TAS2R19: variants seen among roughly 807,000 people sequenced by gnomAD.
TAS2R19 encodes taste receptor type 2 member 19.
For synonymous variants in TAS2R19, 108 were observed against 123.4 expected, an observed-to-expected ratio of 0.87 and a Z score of 0.83; for missense variants, 336 against 342.4, an observed-to-expected ratio of 0.98 and a Z score of 0.15.
chr12:11,022,376 A>G lies in TAS2R19; in HGVS notation c.196T>C (p.Trp66Arg). The G allele has an allele frequency of 6.2e-7, 1 of 1,611,094 alleles. No individual in the cohort carries two copies. The highest frequency in any genetic ancestry group is 1.7e-4 in the Middle Eastern group (1 of 6,056). ...GCAGAATTAAACACAGTTGCATACCAAAGGAATAACATGACCCAGAGTAAA... is the reference window on the plus strand; with the variant it reads ...GCAGAATTAAACACAGTTGCATACCGAAGGAATAACATGACCCAGAGTAAA... ...IGLLWVMLFL[W>R]YATVFNSALY... Residue 66 changes from tryptophan (W) to arginine (R), a missense_variant, in exon 1 of 1, where the codon TGG (tryptophan) becomes CGG (arginine). Trp to Arg is a moderately radical substitution (Grantham distance 101). Transcript: ENST00000390673.
At position 11,022,443 on chromosome 12, in the gene TAS2R19, TGAG is replaced by T. The variant is rs761389078; in HGVS notation, c.126_128del (p.Ser43del). The T allele has an allele frequency of 1.2e-5, 19 of 1,614,024 alleles. No individual in the cohort carries two copies. Among genetic ancestry groups the T allele is most frequent in the Middle Eastern group, 1.6e-4 (1 of 6,084 alleles). Reference sequence around the variant, plus strand: ...CCAGAGCAGTGAGAATTTGCTCAGCTGAGGAGATCTTTCGTGTGTTAACCCAGT... The same window carrying T: ...CCAGAGCAGTGAGAATTTGCTCAGCTGAGATCTTTCGTGTGTTAACCCAGT... On this transcript the variant is annotated inframe_deletion, in exon 1 of 1. Coordinates refer to ENST00000390673, the MANE Select transcript of TAS2R19 (RefSeq NM_176888.2).
Position 11,021,839 on chromosome 12 carries a change from T to G in TAS2R19, c.733A>C (p.Ile245Leu), listed in dbSNP as rs1468493458. Reference sequence around the variant, plus strand: ...CTAAGATTCCAAGTTGATGTGATTATACACAGAAAGTAAATGGCAAATAAC... The same window carrying G: ...CTAAGATTCCAAGTTGATGTGATTAGACACAGAAAGTAAATGGCAAATAAC... The part of the protein sequence containing the change: ...LMLFAIYFLC[I>L]ITSTWNLRTQ... Residue 245 changes from isoleucine to leucine, a missense_variant, in exon 1 of 1, where the codon ATA (isoleucine) becomes CTA (leucine). By Grantham distance (5) the Ile-to-Leu change is conservative. Transcript: ENST00000390673. The G allele has an allele frequency of 1.2e-6, 2 of 1,614,150 alleles. No individual in the cohort carries two copies. The highest frequency in any genetic ancestry group is 1.3e-5 in the African/African-American group (1 of 74,954).
At position 11,021,891 on chromosome 12, in the gene TAS2R19, A is replaced by C; in HGVS notation, c.681T>G (p.Ala227=). Residue 227 remains alanine, a synonymous_variant, in exon 1 of 1, where the codon GCT becomes GCG. Transcript: ENST00000390673. The part of the protein sequence containing the change: ...QDPSTKVHIK[A]LQTVTSFLML... Reference sequence around the variant, plus strand: ...TGAGGAAGGAGGTCACAGTTTGCAAAGCTTTTATATGGACCTTGGTGCTGG... The same window carrying C: ...TGAGGAAGGAGGTCACAGTTTGCAACGCTTTTATATGGACCTTGGTGCTGG... The C allele has an allele frequency of 6.2e-6, 10 of 1,614,244 alleles. No individual in the cohort carries two copies. Among genetic ancestry groups the C allele is most frequent in the Non-Finnish European group, 8.5e-6 (10 of 1,180,034 alleles).
Position 11,022,194 on chromosome 12 carries a change from C to A in TAS2R19, c.378G>T (p.Lys126Asn), listed in dbSNP as rs1469886795. The change falls in exon 1 of 1, where the codon AAG becomes AAT. Residue 126 changes from lysine (K) to asparagine (N), a missense_variant. Transcript: ENST00000390673. The stretch of plus-strand genomic sequence containing the variant: ...CCAACAGTATCACCAGAACAACACT[C>A]TTAATTCTCTTCTTTAGGTGGAGAG... ...LISLHLKKRI[K>N]SVVLVILLGP... 6.2e-7 allele frequency: 1 copy of A among 1,614,114 alleles called. No homozygotes were observed. The highest frequency in any genetic ancestry group is 8.5e-7 in the Non-Finnish European group (1 of 1,179,988).
At position 11,022,287 on chromosome 12, in the gene TAS2R19, G is replaced by C. The variant is rs1471497932; in HGVS notation, c.285C>G (p.Ser95Arg). ...SNAWAVTNHFSMWLAASLSIF... is the reference protein window; with the variant it reads ...SNAWAVTNHFRMWLAASLSIF... ...TGCTGAGGCTAGCAGCAAGCCACAT[G>C]CTGAAATGGTTCGTTACAGCCCAGG... The change falls in exon 1 of 1, where the codon AGC becomes AGG. Residue 95 changes from serine to arginine, a missense_variant. Coordinates refer to ENST00000390673, the MANE Select transcript of TAS2R19 (RefSeq NM_176888.2). 6.2e-7 allele frequency: 1 copy of C among 1,614,182 alleles called. No individual in the cohort carries two copies.
At position 11,021,854 on chromosome 12, in the gene TAS2R19, T is replaced by A; in HGVS notation, c.718A>T (p.Ile240Phe). The change falls in exon 1 of 1, where the codon ATT (isoleucine) becomes TTT (phenylalanine). Residue 240 changes from isoleucine (I) to phenylalanine (F), a missense_variant. Coordinates refer to ENST00000390673, the MANE Select transcript of TAS2R19 (RefSeq NM_176888.2). ...TVTSFLMLFA[I>F]YFLCIITSTW... ...GATGTGATTATACACAGAAAGTAAA[T>A]GGCAAATAACATGAGGAAGGAGGTC... The A allele has an allele frequency of 6.2e-7, 1 of 1,614,268 alleles. No homozygotes were observed. Among genetic ancestry groups the A allele is most frequent in the South Asian group, 1.1e-5 (1 of 91,082 alleles).
chr12:11,022,451 T>C lies in TAS2R19; in HGVS notation c.121A>G (p.Ile41Val). Residue 41 changes from isoleucine to valine, a missense_variant, in exon 1 of 1, where the codon ATC becomes GTC. Coordinates refer to ENST00000390673, the MANE Select transcript of TAS2R19 (RefSeq NM_176888.2). ...NVIDWVNTRK[I>V]SSAEQILTAL... ...GTGAGAATTTGCTCAGCTGAGGAGATCTTTCGTGTGTTAACCCAGTCAATG... is the reference window on the plus strand; with the variant it reads ...GTGAGAATTTGCTCAGCTGAGGAGACCTTTCGTGTGTTAACCCAGTCAATG... The C allele has an allele frequency of 1.2e-6, 2 of 1,614,100 alleles. No individual in the cohort carries two copies. The highest frequency in any genetic ancestry group is 1.7e-6 in the Non-Finnish European group (2 of 1,179,944).
rs112900131 is a variant in TAS2R19 at position 11,021,817 on chromosome 12, A to C, written c.755T>G (p.Leu252Arg). ...FLCIITSTWNLRTQQSKLVLL... is the reference protein window; with the variant it reads ...FLCIITSTWNRRTQQSKLVLL... ...TACAAGTTTGCTCTGCTGTGTCCTA[A>C]GATTCCAAGTTGATGTGATTATACA... is the stretch of plus-strand genomic sequence containing the variant. Residue 252 changes from leucine to arginine, a missense_variant, in exon 1 of 1, where the codon CTT (leucine) becomes CGT (arginine). Physicochemically the swap from Leu to Arg is moderately radical, Grantham distance 102 (BLOSUM62 -2). Transcript: ENST00000390673. The C allele has an allele frequency of 6.5e-7, 1 of 1,533,462 alleles. No homozygotes were observed. The allele number at this position is 1,533,462 out of a possible 1,614,324, so 95.0% of individuals were successfully genotyped here. A position where few individuals can be genotyped will look rare whatever the true frequency, so the allele number is the denominator to read the frequency against.
chr12:11,021,991 CAT>C, the TAS2R19 span: 5 of 1,578,314 alleles, frequency 3.2e-6, no homozygotes. Context: ...CAGCAGAAAA[CAT>C]ATTAGGCTCA....
chr12:11,021,996 T>C lies in TAS2R19; in HGVS notation c.576A>G (p.Leu192=). The change falls in exon 1 of 1, where the codon CTA becomes CTG. Residue 192 remains leucine (L), a synonymous_variant. Coordinates refer to ENST00000390673, the MANE Select transcript of TAS2R19 (RefSeq NM_176888.2). The part of the protein sequence containing the change: ...LANLIPFTLS[L]ICFLLLICSL... ...AACAGATTAACAGCAGAAAACATAT[T>C]AGGCTCAGAGTAAAGGGTATGAGGT... 1 of 1,592,066 alleles carries C rather than the reference T, an allele frequency of 6.3e-7. No individual in the cohort carries two copies.
the TAS2R19 span, chr12:11,021,715 AG>A: frequency 3.8e-5 from 61 of 1,613,902 alleles, no homozygotes; most frequent in Non-Finnish European, 5.1e-5. Context: ...GGTCTGTTTT[AG>A]CTTCCTACTT....
In TAS2R19 at chr12:11,021,941, G is replaced by C. The variant is rs1265090634; in HGVS notation, c.631C>G (p.Leu211Val). Residue 211 changes from leucine to valine, a missense_variant, in exon 1 of 1, where the codon CTC becomes GTC. Physicochemically the swap from Leu to Val is conservative, Grantham distance 32. Transcript: ENST00000390673. ...SLCKHLKKMRLHSKGSQDPST... is the reference protein window; with the variant it reads ...SLCKHLKKMRVHSKGSQDPST... ...GGATCTTGAGATCCTTTGCTATGGAGCCGCATCTTCTTGAGATGTTTACAA... is the reference window on the plus strand; with the variant it reads ...GGATCTTGAGATCCTTTGCTATGGACCCGCATCTTCTTGAGATGTTTACAA... 1 of 1,614,034 alleles carries C rather than the reference G, an allele frequency of 6.2e-7. No individual in the cohort carries two copies. Among genetic ancestry groups the C allele is most frequent in the East Asian group, 2.2e-5 (1 of 44,896 alleles).
At position 11,021,925 on chromosome 12, in the gene TAS2R19, G is replaced by C. The variant is rs138697707; in HGVS notation, c.647C>G (p.Ser216Cys). 4 of 1,614,094 alleles carry C rather than the reference G, an allele frequency of 2.5e-6. No homozygotes were observed. The highest frequency in any genetic ancestry group is 3.4e-6 in the Non-Finnish European group (4 of 1,180,032). Residue 216 changes from serine to cysteine, a missense_variant, in exon 1 of 1, where the codon TCT becomes TGT. Coordinates refer to ENST00000390673, the MANE Select transcript of TAS2R19 (RefSeq NM_176888.2). ...ATGGACCTTGGTGCTGGGATCTTGA[G>C]ATCCTTTGCTATGGAGCCGCATCTT... Reference protein sequence around the residue: ...LKKMRLHSKGSQDPSTKVHIK... With the variant: ...LKKMRLHSKGCQDPSTKVHIK...
Position 11,021,894 on chromosome 12 carries a change from T to G in TAS2R19, c.678A>C (p.Lys226Asn), listed in dbSNP as rs2136073677. The change falls in exon 1 of 1, where the codon AAA (lysine) becomes AAC (asparagine). Residue 226 changes from lysine to asparagine, a missense_variant. Lys to Asn is a moderately conservative substitution (Grantham distance 94). Transcript: ENST00000390673. The part of the protein sequence containing the change: ...SQDPSTKVHI[K>N]ALQTVTSFLM... ...GGAAGGAGGTCACAGTTTGCAAAGCTTTTATATGGACCTTGGTGCTGGGAT... is the reference window on the plus strand; with the variant it reads ...GGAAGGAGGTCACAGTTTGCAAAGCGTTTATATGGACCTTGGTGCTGGGAT... 3.1e-6 allele frequency: 5 copies of G among 1,614,210 alleles called. No individual in the cohort carries two copies. Among genetic ancestry groups the G allele is most frequent in the East Asian group, 4.5e-5 (2 of 44,892 alleles).
Position 11,021,632 on chromosome 12 carries a change from C to T in TAS2R19, c.*40G>A, listed in dbSNP as rs748582949. 6.4e-7 allele frequency: 1 copy of T among 1,550,776 alleles called. No homozygotes were observed. The highest frequency in any genetic ancestry group is 8.8e-7 in the Non-Finnish European group (1 of 1,135,720). Reference sequence around the variant, plus strand: ...TCTGCTAGAAGACCCACGATGCTCCCCTTGTGAATCTATGGAGTTGAGGGT... The same window carrying T: ...TCTGCTAGAAGACCCACGATGCTCCTCTTGTGAATCTATGGAGTTGAGGGT... On this transcript the variant is annotated 3_prime_UTR_variant, in exon 1 of 1. Transcript: ENST00000390673.
At chr12:11,021,745 G>T in the TAS2R19 span, 2 of 1,614,148 alleles carry the variant, frequency 1.2e-6, no homozygotes, top group South Asian at 2.2e-5. Context: ...CAGGATGAAT[G>T]AGTGGAATGA....
Position 11,021,703 on chromosome 12 carries a change from A to C in TAS2R19, c.869T>G (p.Phe290Cys), listed in dbSNP as rs72475480. The C allele has an allele frequency of 2.6e-6, 4 of 1,535,972 alleles. No individual in the cohort carries two copies. Among genetic ancestry groups the C allele is most frequent in the African/African-American group, 2.8e-5 (2 of 71,076 alleles). Residue 290 changes from phenylalanine (F) to cysteine (C), a missense_variant, in exon 1 of 1, where the codon TTT becomes TGT. Coordinates refer to ENST00000390673, the MANE Select transcript of TAS2R19 (RefSeq NM_176888.2). ...IMGSRKLKQT[F>C]LSVLWQMTR ...TGTCATCTGCCACAAAACTGAAAGAAAGGTCTGTTTTAGCTTCCTACTTCC... is the reference window on the plus strand; with the variant it reads ...TGTCATCTGCCACAAAACTGAAAGACAGGTCTGTTTTAGCTTCCTACTTCC...
At position 11,021,907 on chromosome 12, in the gene TAS2R19, T is replaced by C. The variant is rs780611250; in HGVS notation, c.665A>G (p.Lys222Arg). The change falls in exon 1 of 1, where the codon AAG (lysine) becomes AGG (arginine). Residue 222 changes from lysine (K) to arginine (R), a missense_variant. Transcript: ENST00000390673. ...AGTTTGCAAAGCTTTTATATGGACC[T>C]TGGTGCTGGGATCTTGAGATCCTTT... Reference protein sequence around the residue: ...HSKGSQDPSTKVHIKALQTVT... With the variant: ...HSKGSQDPSTRVHIKALQTVT... The C allele has an allele frequency of 1.9e-6, 3 of 1,614,220 alleles. No individual in the cohort carries two copies. Among genetic ancestry groups the C allele is most frequent in the Non-Finnish European group, 2.5e-6 (3 of 1,180,016 alleles).
At position 11,022,077 on chromosome 12, in the gene TAS2R19, C is replaced by A. The variant is rs985624326; in HGVS notation, c.495G>T (p.Lys165Asn). 4 of 1,613,898 alleles carry A rather than the reference C, an allele frequency of 2.5e-6. No homozygotes were observed. The highest frequency in any genetic ancestry group is 3.4e-6 in the Non-Finnish European group (4 of 1,179,820). ...TKEYEGNVTWKIKLRNAIHLS... is the reference protein window; with the variant it reads ...TKEYEGNVTWNIKLRNAIHLS... The stretch of plus-strand genomic sequence containing the variant: ...GGTGTATTGCATTCCTCAATTTGAT[C>A]TTCCAAGTCACATTTCCTTCATATT... Residue 165 changes from lysine to asparagine, a missense_variant, in exon 1 of 1, where the codon AAG becomes AAT. Transcript: ENST00000390673.
Sources: gnomAD v4.1 joint callset for allele counts on GRCh38, gnomAD v4.1.1 for gene constraint, MANE v1.5 for transcripts, NCBI Gene and HGNC (gene_info 2026-07-23, HGNC 2026-07-21) for gene names.